Variants in ADAMTS17 observed in about 807,000 individuals in gnomAD.
ADAMTS17 encodes the protein A disintegrin and metalloproteinase with thrombospondin motifs 17.
In ADAMTS17, 113 loss-of-function variants were observed where a neutral mutation model predicts 141.5. That is an observed-to-expected ratio of 0.80 (90% CI 0.69 to 0.93). The LOEUF (loss-of-function observed/expected upper bound fraction) is 0.93, where lower values mean the gene tolerates loss of function less well. Ranked by LOEUF, ADAMTS17 falls within the 40% of genes least tolerant of loss-of-function variation. ADAMTS17 has a pLI of 0.00. For synonymous variants in ADAMTS17, 768 were observed against 630.6 expected (o/e 1.22, Z -3.27); for missense variants, 1,659 against 1,517.9 (o/e 1.09, Z -1.54).
chr15:99,989,513 G>C (rs573559281), intron 20 of ADAMTS17, among the ~76,000 whole-genome samples: 2 of 152,352 alleles, frequency 1.3e-5, no homozygotes, highest in East Asian at 1.9e-4. Flanking sequence ...GTGCTGGGCA[G>C]CTTCCCCTTC....
chr15:100,283,201 C>T (rs895130667), intron 3 of ADAMTS17, among the ~76,000 whole-genome samples: 4 of 152,230 alleles, frequency 2.6e-5, no homozygotes, highest in Non-Finnish European at 5.9e-5. Flanking sequence ...GCAGGATGGG[C>T]CTCCTCCCTC....
intron 12 of ADAMTS17, 29 bp downstream of exon 12, chr15:100,131,978 G>C: frequency 6.2e-7 from 1 of 1,614,114 alleles, no homozygotes; most frequent in Non-Finnish European, 8.5e-7. Flanking sequence ...ATCGTGGCAC[G>C]TTGGGGTATG....
chr15:100,145,534 A>G (rs534689137), intron 10 of ADAMTS17, among the ~76,000 whole-genome samples: 89 of 152,330 alleles, frequency 5.8e-4, no homozygotes, highest in African/African-American at 2.1e-3. Flanking sequence ...CACTGGTGTG[A>G]CTGCTAATGA....
At chr15:100,203,875 G>A (rs1020242057) in intron 7 of ADAMTS17, among the ~76,000 whole-genome samples, 4 of 151,658 alleles carry the variant, frequency 2.6e-5, no homozygotes, top group Non-Finnish European at 2.9e-5. Context: ...TGCAGCCTGG[G>A]TGACAGACCA....
Position 100,053,935 on chromosome 15 carries a change from AGATCTTCTC to A in ADAMTS17, c.2248_2256del (p.Glu750_Ile752del). The stretch of plus-strand genomic sequence containing the variant: ...GGTAGTTTGGTTGGTCCCTTGGCAG[AGATCTTCTC>A]CCACAGCCCCCTTCTCACATAGCGA... On this transcript the variant is annotated inframe_deletion, in exon 16 of 22. Transcript: ENST00000268070. The A allele has an allele frequency of 1.9e-6, 3 of 1,614,210 alleles. No homozygotes were observed. The highest frequency in any genetic ancestry group is 2.5e-6 in the Non-Finnish European group (3 of 1,180,040).
intron 14 of ADAMTS17, among the ~76,000 whole-genome samples, chr15:100,101,245 C>G (rs2036080177): frequency 6.7e-6 from 1 of 150,058 alleles, no homozygotes; most frequent in Non-Finnish European, 1.5e-5. Flanking sequence ...CAGCCACAGT[C>G]CCCCGCTGGG....
At chr15:100,153,373 G>A (rs1377224354) in intron 9 of ADAMTS17, among the ~76,000 whole-genome samples, 1 of 152,106 alleles carries the variant, frequency 6.6e-6, no homozygotes, top group Admixed American at 6.5e-5. Context: ...GGGCTCGGGG[G>A]CTCACACCAG....
chr15:100,129,557 A>G (rs2037925005), intron 12 of ADAMTS17: 1 of 152,254 alleles, frequency 6.6e-6, no homozygotes, highest in African/African-American at 2.4e-5. Context: ...CAGCCTGACC[A>G]ACATGGAGAA....
chr15:100,044,356 T>C (rs756697078), intron 18 of ADAMTS17, among the ~76,000 whole-genome samples: 15 of 152,204 alleles, frequency 9.9e-5, no homozygotes, highest in Non-Finnish European at 2.2e-4. Flanking sequence ...TTGTCAACAA[T>C]TTTTTCCTTC....
intron 3 of ADAMTS17, among the ~76,000 whole-genome samples, chr15:100,305,165 A>G (rs1011050817): frequency 6.6e-6 from 1 of 152,188 alleles, no homozygotes; most frequent in Non-Finnish European, 1.5e-5. Flanking sequence ...TCAACCCTGC[A>G]CATTGTTCAA....
chr15:100,086,108 T>C (rs1026775744), intron 15 of ADAMTS17, among the ~76,000 whole-genome samples: 2 of 152,068 alleles, frequency 1.3e-5, no homozygotes, highest in African/African-American at 4.8e-5. Flanking sequence ...ACCCACCTCA[T>C]GTGCAGAGAC....
At position 99,973,378 on chromosome 15, in the gene ADAMTS17, A is replaced by C. The variant is rs886050961; in HGVS notation, c.*1024T>G. ...AGTCAGGCCTTGCTCTACAGATCCT[A>C]GGCCTGGGCTTGTGTCCTCAGAGGT... On this transcript the variant is annotated 3_prime_UTR_variant, in exon 22 of 22. Coordinates refer to ENST00000268070, the MANE Select transcript of ADAMTS17 (RefSeq NM_139057.4). The C allele has an allele frequency of 1.1e-5, 1 of 88,282 alleles. No individual in the cohort carries two copies. The highest frequency in any genetic ancestry group is 2.7e-4 in the East Asian group (1 of 3,702). 5.5% of individuals were successfully genotyped at this position (88,282 alleles called of 1,614,324 possible).
At chr15:100,323,283 G>A (rs2045791839) in intron 3 of ADAMTS17, among the ~76,000 whole-genome samples, 1 of 152,058 alleles carries the variant, frequency 6.6e-6, no homozygotes, top group Non-Finnish European at 1.5e-5. Flanking sequence ...TAAAGAAATT[G>A]AGACACTTTA....
chr15:100,222,545 C>T (rs2042167366), intron 7 of ADAMTS17, among the ~76,000 whole-genome samples: 1 of 152,346 alleles, frequency 6.6e-6, no homozygotes, highest in Non-Finnish European at 1.5e-5. Context: ...CCGTGTCCCC[C>T]CTGAACCAAG....
At chr15:100,275,214 G>T (rs531497427) in intron 4 of ADAMTS17, among the ~76,000 whole-genome samples, 1 of 152,298 alleles carries the variant, frequency 6.6e-6, no homozygotes, top group East Asian at 1.9e-4. Flanking sequence ...TCAAGTTCGG[G>T]CTGCCTAGTG....
At chr15:100,134,162 G>A (rs563579120) in intron 10 of ADAMTS17, among the ~76,000 whole-genome samples, 12 of 152,256 alleles carry the variant, frequency 7.9e-5, no homozygotes, top group South Asian at 4.1e-4. Flanking sequence ...CTCCCCACCC[G>A]CCCAGGGGAC....
At chr15:100,007,611 G>C (rs935533746) in intron 18 of ADAMTS17, among the ~76,000 whole-genome samples, 5 of 152,096 alleles carry the variant, frequency 3.3e-5, no homozygotes, top group African/African-American at 4.8e-5. Flanking sequence ...AAGAGAGAAA[G>C]AAGGCAAGAA....
intron 6 of ADAMTS17, among the ~76,000 whole-genome samples, chr15:100,258,234 T>G (rs2043393282): frequency 6.6e-6 from 1 of 152,236 alleles, no homozygotes; most frequent in African/African-American, 2.4e-5. Flanking sequence ...TCAGTTCTTC[T>G]GGGTTCAGAA....
Position 100,132,135 on chromosome 15 carries a change from C to T in ADAMTS17, c.1593G>A (p.Glu531=), listed in dbSNP as rs1323764025. ...CCGGGATGGGCGTCTTGCTCACGCA[C>T]TCCCCCGCGCGGCACCACTGAAACA... is the stretch of plus-strand genomic sequence containing the variant. ...CGADKWCRAG[E]CVSKTPIPEH... The change falls in exon 12 of 22, where the codon GAG becomes GAA. Residue 531 remains glutamate (E), a synonymous_variant. Coordinates refer to ENST00000268070, the MANE Select transcript of ADAMTS17 (RefSeq NM_139057.4). 1.2e-6 allele frequency: 2 copies of T among 1,613,688 alleles called. No homozygotes were observed. The highest frequency in any genetic ancestry group is 2.2e-5 in the East Asian group (1 of 44,890).
Sources: allele counts gnomAD v4.1 joint callset (sites outside exome capture counted in the v4.1 genomes callset), GRCh38; gene constraint gnomAD v4.1.1; transcripts MANE v1.5; gene names NCBI Gene and HGNC (gene_info 2026-07-23, HGNC 2026-07-21).